The following HTR4 variants were observed in gnomAD, a reference collection of about 807,000 sequenced individuals.
HTR4 encodes 5-hydroxytryptamine (serotonin) receptor 4, G protein-coupled.
In HTR4, 16 loss-of-function variants were observed where a neutral mutation model predicts 36.8. The observed-to-expected ratio is 0.43, with a 90% CI of 0.29 to 0.66. The LOEUF (loss-of-function observed/expected upper bound fraction) is 0.66. Among genes scored for constraint, HTR4 ranks in the 30% least tolerant of loss-of-function variants. The pLI is 0.13. For synonymous variants in HTR4, 189 were observed against 185.1 expected (o/e 1.02, Z -0.17); for missense variants, 438 against 490.9 (o/e 0.89, Z 1.02).
chr5:148,557,951 G>C (rs749591122), intron 2 of HTR4, among the ~76,000 whole-genome samples: 1 of 151,492 alleles, frequency 6.6e-6, no homozygotes, highest in Non-Finnish European at 1.5e-5. Context: ...AGACCAGAGG[G>C]CTCCACCATT....
At chr5:148,579,826 C>G (rs900940373) in intron 2 of HTR4, among the ~76,000 whole-genome samples, 3 of 152,032 alleles carry the variant, frequency 2.0e-5, no homozygotes, top group Non-Finnish European at 4.4e-5. Context: ...TCCCACATAT[C>G]AAATCACTCT....
intron 2 of HTR4, among the ~76,000 whole-genome samples, chr5:148,585,909 C>T (rs1761326742): frequency 6.6e-6 from 1 of 152,180 alleles, no homozygotes; most frequent in Non-Finnish European, 1.5e-5. Context: ...ACATGTCAAA[C>T]TTGCTCCTTT....
In HTR4 at chr5:148,558,001, TGTTAGGA is replaced by T. The variant is rs1161673484; in HGVS notation, c.27-7746_27-7740del. Among the ~76,000 whole-genome samples the T allele has an allele frequency of 4.1e-4, 62 of 152,010 alleles. 1 individual carries two copies. Among genetic ancestry groups the T allele is most frequent in the African/African-American group, 1.4e-3 (58 of 41,500 alleles). On this transcript the variant is annotated intron_variant, in intron 2 of 6. Transcript: ENST00000377888. ...CGCAGTAAGTGTCTCCTCTCCCACC[TGTTAGGA>T]GTGTCATGTACACAAGAAATATTCT...
intron 4 of HTR4, among the ~76,000 whole-genome samples, chr5:148,532,127 C>T (rs1231437174): frequency 6.6e-6 from 1 of 152,138 alleles, no homozygotes; most frequent in Non-Finnish European, 1.5e-5. Flanking sequence ...GTCGTTATCT[C>T]TTAAGAGTGG....
intron 2 of HTR4, among the ~76,000 whole-genome samples, chr5:148,614,210 G>T (rs1402216800): frequency 2.6e-5 from 4 of 152,178 alleles, no homozygotes; most frequent in Non-Finnish European, 5.9e-5. Flanking sequence ...CCAAAAAAGA[G>T]CCTGCATTGC....
At chr5:148,550,046 T>C (rs150899924) in intron 3 of HTR4, 91 bp downstream of exon 3, 1 of 1,334,052 alleles carries the variant, frequency 7.5e-7, no homozygotes, top group East Asian at 2.4e-5. Flanking sequence ...CTTTCTTAAT[T>C]ACAAATTCTA....
At chr5:148,473,066 G>T (rs10066963), downstream of HTR4, among the ~76,000 whole-genome samples, 1 of 152,046 alleles carries the variant, frequency 6.6e-6, no homozygotes, top group East Asian at 1.9e-4. Flanking sequence ...TTGGGAGGCC[G>T]AGGCGGGTGG....
intron 2 of HTR4, among the ~76,000 whole-genome samples, chr5:148,605,846 T>C (rs1228136052): frequency 6.6e-6 from 1 of 152,088 alleles, no homozygotes; most frequent in African/African-American, 2.4e-5. Flanking sequence ...GAATGGCCTG[T>C]ACAACACTTG....
chr5:148,640,965 T>A (rs886199359), intron 1 of HTR4, among the ~76,000 whole-genome samples: 1 of 152,198 alleles, frequency 6.6e-6, no homozygotes, highest in Non-Finnish European at 1.5e-5. Flanking sequence ...TGAGATAGCA[T>A]GCATTTTATC....
intron 2 of HTR4, among the ~76,000 whole-genome samples, chr5:148,602,332 G>A (rs981885096): frequency 2.6e-5 from 4 of 151,938 alleles, no homozygotes; most frequent in African/African-American, 4.8e-5. Context: ...AAAATAACTG[G>A]GGAATTTTTT....
At chr5:148,525,344 TG>T (rs1758219165) in intron 4 of HTR4, among the ~76,000 whole-genome samples, 1 of 152,196 alleles carries the variant, frequency 6.6e-6, no homozygotes, top group Admixed American at 6.5e-5. Flanking sequence ...TTTCAAATTT[TG>T]TTTCCTTCTT....
intron 2 of HTR4, among the ~76,000 whole-genome samples, chr5:148,607,227 T>A (rs372099100): frequency 3.9e-5 from 6 of 152,290 alleles, no homozygotes; most frequent in Admixed American, 2.0e-4. Flanking sequence ...CTTAGACACA[T>A]GATAATTCCT....
Position 148,482,332 on chromosome 5 carries a change from T to G in HTR4, c.*871A>C. 1 of 985,480 alleles carries G rather than the reference T, an allele frequency of 1.0e-6. No individual in the cohort carries two copies. The highest frequency in any genetic ancestry group is 5.2e-4 in the Middle Eastern group (1 of 1,914). The allele number at this position is 985,480 out of a possible 1,614,324, so 61.0% of individuals were successfully genotyped here. ...AAGATCCTGAAGCCTAATAAACACC[T>G]ACGATGTTGCTAGCCCTGCCCAAGG... is the stretch of plus-strand genomic sequence containing the variant. On this transcript the variant is annotated 3_prime_UTR_variant, in exon 7 of 7. Coordinates refer to ENST00000377888, the MANE Select transcript of HTR4 (RefSeq NM_000870.7).
At chr5:148,535,528 TA>T (rs1758772508) in intron 4 of HTR4, among the ~76,000 whole-genome samples, 1 of 151,886 alleles carries the variant, frequency 6.6e-6, no homozygotes, top group Admixed American at 6.6e-5. Flanking sequence ...ATAGCCAGTA[TA>T]AAAAAAGAAC....
chr5:148,616,944 T>C (rs1189704385), intron 2 of HTR4, among the ~76,000 whole-genome samples: 2 of 152,354 alleles, frequency 1.3e-5, no homozygotes, highest in South Asian at 2.1e-4. Flanking sequence ...CTACTAATCT[T>C]ATTGCATTTT....
intron 5 of HTR4, among the ~76,000 whole-genome samples, chr5:148,455,406 G>A (rs543660958): frequency 2.8e-4 from 43 of 152,324 alleles, no homozygotes; most frequent in African/African-American, 9.1e-4. Flanking sequence ...ATGTACTGCC[G>A]TGGAATGCAG....
intron 4 of HTR4, among the ~76,000 whole-genome samples, chr5:148,544,202 G>A (rs1372832039): frequency 6.6e-6 from 1 of 151,974 alleles, no homozygotes; most frequent in African/African-American, 2.4e-5. Flanking sequence ...ACCTGTTAAC[G>A]ATTTGGTGAA....
At chr5:148,634,967 G>C (rs1212671088) in intron 2 of HTR4, among the ~76,000 whole-genome samples, 1 of 151,898 alleles carries the variant, frequency 6.6e-6, no homozygotes, top group Non-Finnish European at 1.5e-5. Context: ...ATTACACCTA[G>C]AAAAAGGGTG....
At chr5:148,625,177 AG>A (rs750887246) in intron 2 of HTR4, among the ~76,000 whole-genome samples, 1 of 152,122 alleles carries the variant, frequency 6.6e-6, no homozygotes, top group African/African-American at 2.4e-5. Flanking sequence ...AATGAATTGG[AG>A]TTAGGGAGTC....
Sources: gnomAD v4.1 joint callset for allele counts (sites outside exome capture counted in the v4.1 genomes callset) on GRCh38, gnomAD v4.1.1 for gene constraint, MANE v1.5 for transcripts, NCBI Gene and HGNC (gene_info 2026-07-23, HGNC 2026-07-21) for gene names.